WWTR1: variants seen among roughly 807,000 people sequenced by gnomAD.
WWTR1 encodes WW domain containing transcription regulator 1, also known as WW domain-containing transcription regulator protein 1.
WWTR1 carries 13 observed loss-of-function variants against 40.1 expected under a neutral mutation model. That is an observed-to-expected ratio of 0.32 (90% CI 0.21 to 0.52). WWTR1 has a LOEUF of 0.52. WWTR1 is among the 20% of genes least tolerant of loss of function. The probability of loss-of-function intolerance (pLI) is 0.97; values close to 1 mark genes in which losing one functional copy is unlikely to be tolerated. For missense variants in WWTR1, 436 were observed against 523.1 expected, an observed-to-expected ratio of 0.83 and a Z score of 1.63; for synonymous variants, 230 against 210.1, an observed-to-expected ratio of 1.09 and a Z score of -0.82.
chr3:149,619,741 GTTTAGGCTTGAACTGAC>G (rs1162666785), intron 2 of WWTR1, among the ~76,000 whole-genome samples: 1 of 152,064 alleles, frequency 6.6e-6, no homozygotes, highest in Non-Finnish European at 1.5e-5. Context: ...ACTACTTTAG[GTTTAGGCTTGAACTGAC>G]TGCCAAGGGA....
At chr3:149,599,490 C>G (rs1023600444) in intron 2 of WWTR1, among the ~76,000 whole-genome samples, 1 of 152,198 alleles carries the variant, frequency 6.6e-6, no homozygotes, top group African/African-American at 2.4e-5. Context: ...TAAGTCTTTG[C>G]GCAAGCAAAA....
intron 2 of WWTR1, among the ~76,000 whole-genome samples, chr3:149,610,979 C>CA (rs5853428): frequency 0.24 from 34,353 of 143,292 alleles, 4,585 homozygotes; most frequent in African/African-American, 0.39. Context: ...CCCATCTGTA[C>CA]AAAAAAAAAA....
At chr3:149,551,693 G>A (rs1444614064) in intron 3 of WWTR1, among the ~76,000 whole-genome samples, 1 of 145,624 alleles carries the variant, frequency 6.9e-6, no homozygotes, top group Non-Finnish European at 1.5e-5. Context: ...GAAAGTCCCA[G>A]GCAAATGGGA....
chr3:149,675,593 G>A (rs1228671134), intron 1 of WWTR1, among the ~76,000 whole-genome samples: 2 of 152,216 alleles, frequency 1.3e-5, no homozygotes, highest in East Asian at 1.9e-4. Flanking sequence ...CTTAGAGGAA[G>A]ACAATGAAAC....
At chr3:149,537,570 C>T (rs1038426156) in intron 4 of WWTR1, among the ~76,000 whole-genome samples, 5 of 152,098 alleles carry the variant, frequency 3.3e-5, no homozygotes, top group Non-Finnish European at 5.9e-5. Flanking sequence ...TGTAGCAATT[C>T]GTTTTCTTTT....
chr3:149,517,703 T>C lies in WWTR1; in HGVS notation c.*3102A>G, dbSNP rs1357115472. 1.3e-5 allele frequency: 2 copies of C among 152,178 alleles called. No homozygotes were observed. Among genetic ancestry groups the C allele is most frequent in the South Asian group, 2.1e-4 (1 of 4,826 alleles). The allele number at this position is 152,178 out of a possible 1,614,324, so 9.4% of individuals were successfully genotyped here. Reference sequence around the variant, plus strand: ...TGTTTCCTGTATATGGTGTAATCAGTGAAAGAAATGGCATTTCACATCCTA... The same window carrying C: ...TGTTTCCTGTATATGGTGTAATCAGCGAAAGAAATGGCATTTCACATCCTA... On this transcript the variant is annotated 3_prime_UTR_variant, in exon 7 of 7. Transcript: ENST00000360632.
chr3:149,589,794 AG>A (rs1738611673), intron 2 of WWTR1, among the ~76,000 whole-genome samples: 1 of 97,672 alleles, frequency 1.0e-5, no homozygotes, highest in African/African-American at 4.8e-5. Context: ...ACTGAATTAA[AG>A]GAATGAATGA....
At chr3:149,542,208 A>C (rs1736136041) in intron 4 of WWTR1, 127 bp downstream of exon 4, 1 of 1,097,278 alleles carries the variant, frequency 9.1e-7, no homozygotes, top group African/African-American at 1.6e-5. Context: ...AGAGGCTTGG[A>C]GTAGGGCTTT....
chr3:149,525,912 A>T, intron 6 of WWTR1, 101 bp downstream of exon 6: 1 of 673,672 alleles, frequency 1.5e-6, no homozygotes, highest in Non-Finnish European at 2.2e-6. Context: ...TAAAAGTTGA[A>T]ATTATAAAAA....
chr3:149,526,075 C>T lies in WWTR1; in HGVS notation c.956G>A (p.Gly319Glu), dbSNP rs1735293404. The T allele has an allele frequency of 6.2e-7, 1 of 1,612,208 alleles. No individual in the cohort carries two copies. Among genetic ancestry groups the T allele is most frequent in the Non-Finnish European group, 8.5e-7 (1 of 1,179,050 alleles). ...CGGAGTTGTGGGGACACTGTAGCAC[C>T]CTAACCCCAGGCCACTGTCAGTGCT... ...EQSTDSGLGL[G>E]CYSVPTTPED... The change falls in exon 6 of 7, where the codon GGG (glycine) becomes GAG (glutamate). Residue 319 changes from glycine (G) to glutamate (E), a missense_variant. By Grantham distance (98) the Gly-to-Glu change is moderately conservative. Coordinates refer to ENST00000360632, the MANE Select transcript of WWTR1 (RefSeq NM_015472.6).
chr3:149,620,823 T>C (rs1343949467), intron 2 of WWTR1, among the ~76,000 whole-genome samples: 4 of 152,152 alleles, frequency 2.6e-5, no homozygotes, highest in Non-Finnish European at 5.9e-5. Flanking sequence ...ACCACACCTC[T>C]AGGATGCAGA....
chr3:149,643,097 C>G (rs895948113), intron 2 of WWTR1, among the ~76,000 whole-genome samples: 3 of 152,162 alleles, frequency 2.0e-5, no homozygotes, highest in Admixed American at 2.0e-4. Context: ...CAAACTCAAA[C>G]CAGTTTGATA....
In WWTR1 at chr3:149,542,325, A is replaced by G; in HGVS notation, c.771+10T>C. ...AGGGAGCCTCCACCAGACACCATGG[A>G]AAGCCATACCTGCCTCATGAGCTCC... On this transcript the variant is annotated intron_variant, in intron 4 of 6. Coordinates refer to ENST00000360632, the MANE Select transcript of WWTR1 (RefSeq NM_015472.6). 1.9e-6 allele frequency: 3 copies of G among 1,610,106 alleles called. No homozygotes were observed. Among genetic ancestry groups the G allele is most frequent in the Non-Finnish European group, 2.5e-6 (3 of 1,177,888 alleles).
chr3:149,664,102 G>C (rs938680723), intron 2 of WWTR1, among the ~76,000 whole-genome samples: 3 of 152,226 alleles, frequency 2.0e-5, no homozygotes, highest in Admixed American at 6.5e-5. Context: ...TTTCAGCAAA[G>C]GTGTATGGTT....
chr3:149,715,733 C>T (rs1172835082), intron 5 of WWTR1, among the ~76,000 whole-genome samples: 1 of 152,216 alleles, frequency 6.6e-6, no homozygotes, highest in East Asian at 1.9e-4. Context: ...ATACATATAC[C>T]TCACATAGAG....
intron 1 of WWTR1, among the ~76,000 whole-genome samples, chr3:149,689,377 T>A (rs1576641810): frequency 1.6e-5 from 1 of 61,038 alleles, no homozygotes; most frequent in African/African-American, 6.6e-5. Context: ...TGAGAACCTA[T>A]CTCAAAAAAA....
chr3:149,538,786 G>T (rs143399907), intron 4 of WWTR1, among the ~76,000 whole-genome samples: 30 of 152,290 alleles, frequency 2.0e-4, no homozygotes, highest in African/African-American at 7.0e-4. Flanking sequence ...TAGCCACTGG[G>T]CCCCTGTGAA....
intron 2 of WWTR1, among the ~76,000 whole-genome samples, chr3:149,643,413 T>A (rs1185011790): frequency 6.6e-6 from 1 of 152,224 alleles, no homozygotes; most frequent in East Asian, 1.9e-4. Flanking sequence ...CAAGCTAGGA[T>A]TGCAGACTGT....
intron 3 of WWTR1, among the ~76,000 whole-genome samples, chr3:149,572,200 T>G (rs1347216201): frequency 6.6e-6 from 1 of 152,090 alleles, no homozygotes; most frequent in East Asian, 1.9e-4. Flanking sequence ...CTGGAGAGCC[T>G]GCTACTTTTT....
Sources: allele counts gnomAD v4.1 joint callset (sites outside exome capture counted in the v4.1 genomes callset), GRCh38; gene constraint gnomAD v4.1.1; transcripts MANE v1.5; gene names NCBI Gene and HGNC (gene_info 2026-07-23, HGNC 2026-07-21).